The following PCDHA5 variants were observed in gnomAD, a reference collection of about 807,000 sequenced individuals.
PCDHA5 encodes the protein protocadherin alpha-5.
A neutral mutation model predicts 61.6 loss-of-function variants in PCDHA5; 43 were observed. That is an observed-to-expected ratio of 0.70 (90% CI 0.55 to 0.90). The LOEUF is 0.90. PCDHA5 is among the 40% of genes least tolerant of loss of function. The probability of loss-of-function intolerance (pLI) is 0.00; values close to 1 mark genes in which losing one functional copy is unlikely to be tolerated. For missense variants in PCDHA5, 1,298 were observed against 1,222.7 expected (o/e 1.06, Z -0.92); for synonymous variants, 627 against 543.9 (o/e 1.15, Z -2.13).
rs2098421437 is a variant in PCDHA5, at chr5:141,011,660, T to G, written c.*1723T>G. The G allele has an allele frequency of 6.5e-6, 1 of 153,726 alleles. No individual in the cohort carries two copies. Among genetic ancestry groups the G allele is most frequent in the African/African-American group, 2.4e-5 (1 of 41,436 alleles). The allele number at this position is 153,726 out of a possible 1,614,324, so 9.5% of individuals were successfully genotyped here. On this transcript the variant is annotated 3_prime_UTR_variant, in exon 4 of 4. Coordinates refer to ENST00000529859, the MANE Select transcript of PCDHA5 (RefSeq NM_018908.3). ...GCCAAGACTTCTGCTGGCAAGGGAATGGATAAAGCTGTTTTGTTCTAGTAA... is the reference window on the plus strand; with the variant it reads ...GCCAAGACTTCTGCTGGCAAGGGAAGGGATAAAGCTGTTTTGTTCTAGTAA...
chr5:140,993,596 A>G (rs562427268), intron 3 of PCDHA5, among the ~76,000 whole-genome samples: 53 of 152,194 alleles, frequency 3.5e-4, no homozygotes, highest in Admixed American at 2.6e-4. Flanking sequence ...CTTGGCTCCA[A>G]TAGAGAATTT....
At chr5:140,881,988 C>A in intron 1 of PCDHA5, 1 of 434,968 alleles carries the variant, frequency 2.3e-6, no homozygotes, top group Non-Finnish European at 4.0e-6. Flanking sequence ...GTGAAAATGT[C>A]AGGAAATGCA....
At chr5:140,967,219 C>G in intron 1 of PCDHA5, 1 of 1,613,772 alleles carries the variant, frequency 6.2e-7, no homozygotes, top group Non-Finnish European at 8.5e-7. Flanking sequence ...TCCCGCGGCC[C>G]AACTACCAGC....
At chr5:140,863,267 C>A in intron 1 of PCDHA5, 4 of 1,457,908 alleles carry the variant, frequency 2.7e-6, no homozygotes, top group Non-Finnish European at 2.8e-6. Context: ...CGGGAGGCAG[C>A]GCTGGTGGAT....
At chr5:140,925,146 A>G (rs1467973124) in intron 1 of PCDHA5, among the ~76,000 whole-genome samples, 5 of 151,742 alleles carry the variant, frequency 3.3e-5, no homozygotes, top group Admixed American at 3.3e-4. Flanking sequence ...AACATACACA[A>G]AAGTTGAGAG....
At chr5:140,828,423 A>G (rs2150155185) in intron 1 of PCDHA5, 29 of 1,614,154 alleles carry the variant, frequency 1.8e-5, no homozygotes. Flanking sequence ...GTGATCGTGG[A>G]CAGGCCGCTG....
At chr5:140,842,475 T>A in intron 1 of PCDHA5, 4 of 1,613,948 alleles carry the variant, frequency 2.5e-6, no homozygotes, top group Non-Finnish European at 2.5e-6. Context: ...AACGGGCAGG[T>A]GACCTGCTCC....
intron 1 of PCDHA5, chr5:140,842,374 A>C: frequency 6.2e-7 from 1 of 1,609,340 alleles, no homozygotes; most frequent in Non-Finnish European, 8.5e-7. Flanking sequence ...CTGAGATAGC[A>C]CTGACTTCCT....
chr5:140,870,388 G>T, intron 1 of PCDHA5: 1 of 1,614,232 alleles, frequency 6.2e-7, no homozygotes. Context: ...TGCGCGGGAT[G>T]GGGGTTCGCC....
chr5:140,892,012 G>A (rs1032416226), intron 1 of PCDHA5, among the ~76,000 whole-genome samples: 9 of 152,176 alleles, frequency 5.9e-5, no homozygotes, highest in Admixed American at 5.9e-4. Context: ...TGTTATAGCA[G>A]CACAAATGGT....
intron 1 of PCDHA5, chr5:140,841,300 T>C (rs1305687765): frequency 9.6e-6 from 15 of 1,568,478 alleles, no homozygotes; most frequent in African/African-American, 4.1e-5. Flanking sequence ...TAATATTTTC[T>C]GATAGGAAAC....
chr5:140,857,611 G>T, intron 1 of PCDHA5: 1 of 1,596,436 alleles, frequency 6.3e-7, no homozygotes, highest in Admixed American at 1.7e-5. Context: ...CGCTGCAGCC[G>T]CTGGACCACG....
chr5:140,913,073 G>A (rs529914576), intron 1 of PCDHA5, among the ~76,000 whole-genome samples: 7 of 152,184 alleles, frequency 4.6e-5, no homozygotes, highest in Admixed American at 1.3e-4. Flanking sequence ...ATGTGTCATT[G>A]TTTGGTATCA....
chr5:140,850,362 C>T (rs199864758), intron 1 of PCDHA5: 1 of 1,597,838 alleles, frequency 6.3e-7, no homozygotes, highest in South Asian at 1.1e-5. Flanking sequence ...CATCCCGTTC[C>T]GCGTGGGGCT....
chr5:140,830,329 G>C (rs2150185018), intron 1 of PCDHA5: 1 of 1,614,050 alleles, frequency 6.2e-7, no homozygotes, highest in Non-Finnish European at 8.5e-7. Flanking sequence ...GCGCAGTGGG[G>C]AGCTGGTCGT....
At chr5:140,875,844 G>A in intron 1 of PCDHA5, 1 of 1,614,178 alleles carries the variant, frequency 6.2e-7, no homozygotes, top group Non-Finnish European at 8.5e-7. Flanking sequence ...TGGAGGTGAA[G>A]GACATTAACG....
intron 1 of PCDHA5, chr5:140,876,602 G>A (rs572945874): frequency 6.2e-7 from 1 of 1,614,180 alleles, no homozygotes; most frequent in Non-Finnish European, 8.5e-7. Flanking sequence ...GTGTCGGATC[G>A]TGACTCTGGA....
chr5:140,932,187 T>C (rs2153611225), intron 1 of PCDHA5, among the ~76,000 whole-genome samples: 1 of 152,028 alleles, frequency 6.6e-6, no homozygotes, highest in Admixed American at 6.5e-5. Context: ...CTCATGTCCA[T>C]TTTTTTCTGT....
At chr5:140,875,457 G>T in intron 1 of PCDHA5, 3 of 1,595,968 alleles carry the variant, frequency 1.9e-6, no homozygotes, top group Non-Finnish European at 2.6e-6. Flanking sequence ...CAACTCAGAG[G>T]CCCTCATTTT....
Sources: allele counts gnomAD v4.1 joint callset (sites outside exome capture counted in the v4.1 genomes callset), GRCh38; gene constraint gnomAD v4.1.1; transcripts MANE v1.5; gene names NCBI Gene and HGNC (gene_info 2026-07-23, HGNC 2026-07-21).